Variants in TRAPPC11 observed in about 807,000 individuals in gnomAD.
TRAPPC11 encodes the protein foie gras homolog.
A neutral mutation model predicts 151.2 loss-of-function variants in TRAPPC11; 104 were observed. The observed-to-expected ratio is 0.69, with a 90% CI of 0.59 to 0.81. The LOEUF (loss-of-function observed/expected upper bound fraction) is 0.81. Among genes scored for constraint, TRAPPC11 ranks in the 30% least tolerant of loss-of-function variants. The probability of loss-of-function intolerance (pLI) is 0.00; values close to 1 mark genes in which losing one functional copy is unlikely to be tolerated. For synonymous variants in TRAPPC11, 456 were observed against 472.3 expected, an observed-to-expected ratio of 0.97 and a Z score of 0.45; for missense variants, 1,230 against 1,349.6, an observed-to-expected ratio of 0.91 and a Z score of 1.39.
chr4:183,683,243 G>A (rs948344661), intron 11 of TRAPPC11, among the ~76,000 whole-genome samples: 2 of 151,802 alleles, frequency 1.3e-5, no homozygotes, highest in Admixed American at 6.6e-5. Context: ...TTTAATTCCA[G>A]TTAACTTTTA....
At position 183,708,491 on chromosome 4, in the gene TRAPPC11, T is replaced by A. The variant is rs558672617; in HGVS notation, c.3274T>A (p.Ser1092Thr). The stretch of plus-strand genomic sequence containing the variant: ...GATGGCTGGATACCAGCAGCTGCCA[T>A]CTCTCAACATCAACTTGCTTAGATT... ...PLMAGYQQLPSLNINLLRFPN... is the reference protein window; with the variant it reads ...PLMAGYQQLPTLNINLLRFPN... The change falls in exon 29 of 30, where the codon TCT becomes ACT. Residue 1092 changes from serine (S) to threonine (T), a missense_variant. Ser to Thr is a moderately conservative substitution (Grantham distance 58). Transcript: ENST00000334690. The A allele has an allele frequency of 1.2e-6, 2 of 1,614,144 alleles. No homozygotes were observed. The highest frequency in any genetic ancestry group is 2.7e-5 in the African/African-American group (2 of 75,062).
intron 26 of TRAPPC11, among the ~76,000 whole-genome samples, chr4:183,704,711 G>A (rs1225597777): frequency 6.6e-6 from 1 of 152,006 alleles, no homozygotes; most frequent in African/African-American, 2.4e-5. Flanking sequence ...TACTCGGGAG[G>A]CTGAGGCAGG....
rs1188827333 is a variant in TRAPPC11, at chr4:183,684,332, A to G, written c.1394A>G (p.Tyr465Cys). The G allele has an allele frequency of 1.9e-6, 3 of 1,613,704 alleles. No individual in the cohort carries two copies. The highest frequency in any genetic ancestry group is 2.5e-6 in the Non-Finnish European group (3 of 1,179,738). ...LMVQMGEEYY[Y>C]AKDYTKALKL... is the part of the protein sequence containing the mutation. ...GTTCAGATGGGAGAGGAATATTATT[A>G]CGCAAAGGATTATACCAAAGCTTTG... The change falls in exon 14 of 30, where the codon TAC (tyrosine) becomes TGC (cysteine). Residue 465 changes from tyrosine (Y) to cysteine (C), a missense_variant. Tyr to Cys is a radical substitution (Grantham distance 194). Coordinates refer to ENST00000334690, the MANE Select transcript of TRAPPC11 (RefSeq NM_021942.6).
intron 25 of TRAPPC11, among the ~76,000 whole-genome samples, chr4:183,699,853 G>C (rs1363263060): frequency 6.6e-6 from 1 of 150,942 alleles, no homozygotes; most frequent in Non-Finnish European, 1.5e-5. Context: ...TTTTGAGACA[G>C]AGTCTCTGTC....
At chr4:183,707,238 A>T (rs1169111649) in intron 28 of TRAPPC11, among the ~76,000 whole-genome samples, 1 of 131,004 alleles carries the variant, frequency 7.6e-6, no homozygotes, top group African/African-American at 3.2e-5. Context: ...CTTATTACTG[A>T]TGAGTGTGTG....
At chr4:183,669,475 C>T (rs1384913772) in intron 5 of TRAPPC11, among the ~76,000 whole-genome samples, 1 of 152,178 alleles carries the variant, frequency 6.6e-6, no homozygotes, top group Non-Finnish European at 1.5e-5. Context: ...CTTTCATAGT[C>T]ATGCCCACCT....
chr4:183,697,317 GAA>G (rs375942520), intron 23 of TRAPPC11, among the ~76,000 whole-genome samples, 184 bp from the exon 24 acceptor site: 1 of 143,172 alleles, frequency 7.0e-6, no homozygotes, highest in African/African-American at 2.6e-5. Flanking sequence ...TCTCCCAAAG[GAA>G]AAAAAAAAAA....
At chr4:183,661,757 C>CTT (rs562308106) in intron 1 of TRAPPC11, among the ~76,000 whole-genome samples, 15,876 of 100,068 alleles carry the variant, frequency 0.16, 998 homozygotes, top group Non-Finnish European at 0.18. Flanking sequence ...TTTGGAATAA[C>CTT]TTTTTTTTTT....
rs112096163 is a variant in TRAPPC11, at chr4:183,661,471, A to C, written c.-22+2024A>C. On this transcript the variant is annotated intron_variant, in intron 1 of 29. Coordinates refer to ENST00000334690, the MANE Select transcript of TRAPPC11 (RefSeq NM_021942.6). ...ACTGCAAGCTCCGCCTCCCGGGTTC[A>C]CGCCATTCTCCTGCCTCAGCCTCCC... Among the ~76,000 whole-genome samples, 16 of 139,708 alleles carry C rather than the reference A, an allele frequency of 1.1e-4. No homozygotes were observed. The East Asian group carries it at 3.0e-3, about 27-fold the overall frequency. The allele number at this position is 139,708 out of a possible 152,430, so 91.7% of individuals were successfully genotyped here. A position where few individuals can be genotyped will look rare whatever the true frequency, so the allele number is the denominator to read the frequency against.
chr4:183,712,574 C>G (rs1402989370), intron 29 of TRAPPC11, 26 bp from the exon 30 acceptor site: 26 of 1,610,648 alleles, frequency 1.6e-5, no homozygotes, highest in Non-Finnish European at 2.1e-5. Context: ...ATTTTGTAAA[C>G]CCACTTTGTT....
At position 183,666,247 on chromosome 4, in the gene TRAPPC11, A is replaced by T. The variant is rs746348297; in HGVS notation, c.205-10A>T. ...TCAGGTAACTTTTCAATTTCTGCCA[A>T]TGTTTGCAGAGAACTTCATATGAGT... On this transcript the variant is annotated splice_polypyrimidine_tract_variant and intron_variant, in intron 2 of 29. Transcript: ENST00000334690. The T allele has an allele frequency of 6.2e-7, 1 of 1,605,666 alleles. No individual in the cohort carries two copies. Among genetic ancestry groups the T allele is most frequent in the African/African-American group, 1.3e-5 (1 of 74,678 alleles).
chr4:183,698,914 A>C (rs1736674399), intron 25 of TRAPPC11, among the ~76,000 whole-genome samples: 1 of 152,162 alleles, frequency 6.6e-6, no homozygotes, highest in African/African-American at 2.4e-5. Flanking sequence ...TCACACCCAC[A>C]TCCAAACATT....
At chr4:183,706,037 C>T (rs1453587911) in intron 27 of TRAPPC11, 1 of 151,256 alleles carries the variant, frequency 6.6e-6, no homozygotes, top group African/African-American at 2.4e-5. Flanking sequence ...TTTTTGTATC[C>T]TAGGAAAAAT....
rs549383914 is a variant in TRAPPC11 at position 183,706,706 on chromosome 4, A to G, written c.3056-101A>G. The stretch of plus-strand genomic sequence containing the variant: ...AAGAGTACAGTAACGTCATTAATTT[A>G]AATGATACTATGTCCACAGAATGAG... On this transcript the variant is annotated intron_variant, in intron 27 of 29. Coordinates refer to ENST00000334690, the MANE Select transcript of TRAPPC11 (RefSeq NM_021942.6). The G allele has an allele frequency of 4.6e-4, 599 of 1,301,840 alleles. 2 individuals are homozygous for G. The highest frequency in any genetic ancestry group is 1.4e-3 in the Admixed American group (62 of 45,432). 80.6% of individuals were successfully genotyped at this position (1,301,840 alleles called of 1,614,324 possible).
chr4:183,666,407 A>C lies in TRAPPC11; in HGVS notation c.355A>C (p.Thr119Pro), dbSNP rs1285253150. The change falls in exon 3 of 30, where the codon ACC becomes CCC. Residue 119 changes from threonine (T) to proline (P), a missense_variant. Physicochemically the swap from Thr to Pro is conservative, Grantham distance 38. Transcript: ENST00000334690. ...GAAAGAAAAGCAGTCTGAGTGCGCC[A>C]CCAGAGTGGAAATAGTCAGGTATGA... ...QWKEKQSECA[T>P]RVEIVRQSLQ... is the part of the protein sequence containing the mutation. The C allele has an allele frequency of 6.2e-7, 1 of 1,613,776 alleles. No homozygotes were observed. Among genetic ancestry groups the C allele is most frequent in the Non-Finnish European group, 8.5e-7 (1 of 1,179,796 alleles).
rs529512303 is a variant in TRAPPC11 at position 183,679,278 on chromosome 4, A to G, written c.832-75A>G. ...TTGTCTTTTTCTAATGTTATTCTCAAAATAGTTTTTAAATGAATATGTCTT... is the reference window on the plus strand; with the variant it reads ...TTGTCTTTTTCTAATGTTATTCTCAGAATAGTTTTTAAATGAATATGTCTT... On this transcript the variant is annotated intron_variant, in intron 8 of 29. Transcript: ENST00000334690. 43 of 1,346,834 alleles carry G rather than the reference A, an allele frequency of 3.2e-5. No homozygotes were observed. The Admixed American group carries it at 8.7e-4, about 27-fold the overall frequency. 83.4% of individuals were successfully genotyped at this position (1,346,834 alleles called of 1,614,324 possible).
At chr4:183,678,576 A>C (rs777658689) in intron 8 of TRAPPC11, among the ~76,000 whole-genome samples, 6 of 152,248 alleles carry the variant, frequency 3.9e-5, no homozygotes, top group Non-Finnish European at 7.3e-5. Context: ...AGATGAATAA[A>C]GTCACAGATT....
chr4:183,707,790 G>A (rs1201068334), intron 28 of TRAPPC11, among the ~76,000 whole-genome samples: 4 of 152,142 alleles, frequency 2.6e-5, no homozygotes, highest in Admixed American at 1.3e-4. Flanking sequence ...ATTTACAAAT[G>A]AGTGAGCTTT....
intron 21 of TRAPPC11, 74 bp from the exon 22 acceptor site, chr4:183,693,843 C>G: frequency 6.3e-7 from 1 of 1,596,178 alleles, no homozygotes; most frequent in East Asian, 2.2e-5. Context: ...TGGCATAGTG[C>G]TCTTCACACA....
Sources: allele counts gnomAD v4.1 joint callset (sites outside exome capture counted in the v4.1 genomes callset), GRCh38; gene constraint gnomAD v4.1.1; transcripts MANE v1.5; gene names NCBI Gene and HGNC (gene_info 2026-07-23, HGNC 2026-07-21).